The following HS6ST3 variants were observed in gnomAD, a reference collection of about 807,000 sequenced individuals.
HS6ST3 encodes the protein heparan sulfate 6-O-sulfotransferase 3, also known as heparan-sulfate 6-O-sulfotransferase 3.
HS6ST3 carries 12 observed loss-of-function variants against 36.7 expected under a neutral mutation model. The ratio of observed to expected loss-of-function variants is 0.33; its 90% CI spans 0.21 to 0.53. The LOEUF (loss-of-function observed/expected upper bound fraction) is 0.53. Among genes scored for constraint, HS6ST3 ranks in the 20% least tolerant of loss-of-function variants. The pLI, the probability that HS6ST3 is intolerant of heterozygous loss-of-function variation, is 0.95. For missense variants in HS6ST3, 584 were observed against 640.9 expected (o/e 0.91, Z 0.96); for synonymous variants, 240 against 257.5 (o/e 0.93, Z 0.65).
In HS6ST3 at chr13:96,559,504, G is replaced by A. The variant is rs377329243; in HGVS notation, c.708-272986G>A. 5.3e-5 allele frequency among the ~76,000 whole-genome samples: 8 copies of A among 152,222 alleles called. No homozygotes were observed. In the East Asian group the frequency reaches 1.5e-3, roughly 29 times the overall value. On this transcript the variant is annotated intron_variant, in intron 1 of 1. Transcript: ENST00000376705. The stretch of plus-strand genomic sequence containing the variant: ...GCCTAGTTTATTCCACTGATATCTA[G>A]CTGGTATTTGGAGATTCCATCTTAA...
intron 1 of HS6ST3, among the ~76,000 whole-genome samples, chr13:96,282,079 A>G (rs776442880): frequency 7.9e-5 from 12 of 152,182 alleles, no homozygotes; most frequent in Non-Finnish European, 1.3e-4. Context: ...CTCAGTAACT[A>G]TTCTAAACTT....
chr13:96,480,076 T>C (rs1023724035), intron 1 of HS6ST3, among the ~76,000 whole-genome samples: 1 of 152,192 alleles, frequency 6.6e-6, no homozygotes, highest in East Asian at 1.9e-4. Flanking sequence ...ACTAATATTG[T>C]CTACCACAAG....
At chr13:96,477,098 G>T (rs958276184) in intron 1 of HS6ST3, among the ~76,000 whole-genome samples, 5 of 152,070 alleles carry the variant, frequency 3.3e-5, no homozygotes, top group African/African-American at 1.2e-4. Context: ...GGACCCAGAG[G>T]CTGAGTTTAG....
At chr13:96,571,269 A>T (rs1404782339) in intron 1 of HS6ST3, among the ~76,000 whole-genome samples, 4 of 152,212 alleles carry the variant, frequency 2.6e-5, no homozygotes, top group Non-Finnish European at 4.4e-5. Context: ...TGCTATGGCC[A>T]GACCATCCTG....
Position 96,833,360 on chromosome 13 carries a change from A to G in HS6ST3, c.*162A>G. The G allele has an allele frequency of 1.6e-6, 1 of 620,268 alleles. No individual in the cohort carries two copies. The highest frequency in any genetic ancestry group is 2.7e-6 in the Non-Finnish European group (1 of 367,280). The allele number at this position is 620,268 out of a possible 1,614,324, so 38.4% of individuals were successfully genotyped here. A position where few individuals can be genotyped will look rare whatever the true frequency, so the allele number is the denominator to read the frequency against. On this transcript the variant is annotated 3_prime_UTR_variant, in exon 2 of 2. Transcript: ENST00000376705. The stretch of plus-strand genomic sequence containing the variant: ...TGTCTTCATTTTTATCCAGCTGGAG[A>G]TTATCCGTCTTGTTCTTTTTTTTCT...
At chr13:96,781,629 G>A (rs1402163743) in intron 1 of HS6ST3, among the ~76,000 whole-genome samples, 1 of 152,060 alleles carries the variant, frequency 6.6e-6, no homozygotes, top group African/African-American at 2.4e-5. Flanking sequence ...AGGAAACCAG[G>A]GCAGATCATA....
chr13:96,614,762 T>C (rs1025779473), intron 1 of HS6ST3, among the ~76,000 whole-genome samples: 5 of 152,204 alleles, frequency 3.3e-5, no homozygotes, highest in East Asian at 1.9e-4. Flanking sequence ...CTTTTAATTA[T>C]GAAAATGTAA....
chr13:96,290,610 G>T (rs2139398604), intron 1 of HS6ST3, among the ~76,000 whole-genome samples: 1 of 152,228 alleles, frequency 6.6e-6, no homozygotes, highest in African/African-American at 2.4e-5. Context: ...TGCATTAGGA[G>T]CAGGCAGCCT....
At chr13:96,277,433 T>G (rs932534642) in intron 1 of HS6ST3, among the ~76,000 whole-genome samples, 5 of 152,168 alleles carry the variant, frequency 3.3e-5, no homozygotes, top group Non-Finnish European at 7.4e-5. Flanking sequence ...CTGTCTTATT[T>G]AAGAGCTATA....
intron 1 of HS6ST3, among the ~76,000 whole-genome samples, chr13:96,107,771 G>T (rs573719563): frequency 6.6e-6 from 1 of 152,058 alleles, no homozygotes; most frequent in Non-Finnish European, 1.5e-5. Flanking sequence ...TCTTTACTGC[G>T]GTTTCTGAAC....
intron 1 of HS6ST3, among the ~76,000 whole-genome samples, chr13:96,493,248 G>GA (rs2055955592): frequency 6.6e-6 from 1 of 152,090 alleles, no homozygotes; most frequent in African/African-American, 2.4e-5. Context: ...CATTTGGAGG[G>GA]AGGTTACCTT....
At chr13:96,218,789 G>A (rs994852131) in intron 1 of HS6ST3, among the ~76,000 whole-genome samples, 1 of 152,254 alleles carries the variant, frequency 6.6e-6, no homozygotes. Context: ...CTGAGTCTCT[G>A]TGTGTACCAT....
intron 1 of HS6ST3, among the ~76,000 whole-genome samples, chr13:96,136,199 C>G (rs1190962761): frequency 6.6e-6 from 1 of 152,070 alleles, no homozygotes; most frequent in Non-Finnish European, 1.5e-5. Flanking sequence ...TTACCTCTGG[C>G]CTTAAATTGG....
chr13:96,771,947 T>A (rs1357311959), intron 1 of HS6ST3, among the ~76,000 whole-genome samples: 2 of 152,248 alleles, frequency 1.3e-5, no homozygotes, highest in African/African-American at 4.8e-5. Context: ...TGATGTGGTA[T>A]AATCATGACA....
At position 96,486,119 on chromosome 13, in the gene HS6ST3, G is replaced by T. The variant is rs1358087106; in HGVS notation, c.708-346371G>T. 6.0e-5 allele frequency among the ~76,000 whole-genome samples: 9 copies of T among 150,162 alleles called. 1 individual carries two copies. The highest frequency in any genetic ancestry group is 3.5e-3 in the Middle Eastern group (1 of 286). On this transcript the variant is annotated intron_variant, in intron 1 of 1. Coordinates refer to ENST00000376705, the MANE Select transcript of HS6ST3 (RefSeq NM_153456.4). ...TGTGAGTGAGAACATGCGGTGTTTG[G>T]TTTTTTGTCCTTTCGATAGTTTGCT...
intron 1 of HS6ST3, among the ~76,000 whole-genome samples, chr13:96,529,050 T>C (rs1291292153): frequency 6.6e-6 from 1 of 152,174 alleles, no homozygotes; most frequent in Admixed American, 6.5e-5. Context: ...ATATTTCTAA[T>C]ATGTATCATT....
At chr13:96,832,414 A>C in intron 1 of HS6ST3, 76 bp from the exon 2 acceptor site, 7 of 1,090,178 alleles carry the variant, frequency 6.4e-6, no homozygotes, top group Non-Finnish European at 9.0e-6. Flanking sequence ...CTCAATGCCG[A>C]TGTAAAATTA....
chr13:96,410,748 T>TA (rs1196344457), intron 1 of HS6ST3, among the ~76,000 whole-genome samples: 2 of 152,210 alleles, frequency 1.3e-5, no homozygotes, highest in African/African-American at 4.8e-5. Flanking sequence ...AAACAATACT[T>TA]ATGCAGAGAA....
At chr13:96,124,562 A>G (rs1188476186) in intron 1 of HS6ST3, among the ~76,000 whole-genome samples, 1 of 152,226 alleles carries the variant, frequency 6.6e-6, no homozygotes, top group Non-Finnish European at 1.5e-5. Context: ...ACCTGTAAAC[A>G]TGTAACAGCA....
Sources: gnomAD v4.1 joint callset for allele counts (sites outside exome capture counted in the v4.1 genomes callset) on GRCh38, gnomAD v4.1.1 for gene constraint, MANE v1.5 for transcripts, NCBI Gene and HGNC (gene_info 2026-07-23, HGNC 2026-07-21) for gene names.